Variants in TNPO1 observed in about 807,000 individuals in gnomAD.
TNPO1 encodes transportin 1.
In TNPO1, 8 loss-of-function variants were observed where a neutral mutation model predicts 119.5. The observed-to-expected ratio is 0.07, with a 90% CI of 0.04 to 0.12. The LOEUF is 0.12. Ranked by LOEUF, TNPO1 falls within the 10% of genes least tolerant of loss-of-function variation. TNPO1 has a pLI of 1.00. For missense variants in TNPO1, 576 were observed against 1,089.8 expected (o/e 0.53, Z 6.64); for synonymous variants, 362 against 363.0 (o/e 1.00, Z 0.03).
At chr5:72,890,037 T>A (rs532842723) in intron 14 of TNPO1, 80 bp downstream of exon 14, 2 of 1,504,772 alleles carry the variant, frequency 1.3e-6, no homozygotes, top group Non-Finnish European at 1.8e-6. Context: ...ATTTGGAAAT[T>A]AAGATGTTTT....
At chr5:72,848,984 G>A (rs766274552) in intron 2 of TNPO1, among the ~76,000 whole-genome samples, 49 of 152,162 alleles carry the variant, frequency 3.2e-4, no homozygotes, top group Non-Finnish European at 5.4e-4. Flanking sequence ...AGAAATGGGT[G>A]GAGCTGGCGC....
chr5:72,819,028 T>C (rs1743826589), intron 1 of TNPO1, among the ~76,000 whole-genome samples: 4 of 152,204 alleles, frequency 2.6e-5, no homozygotes, highest in Admixed American at 2.6e-4. Context: ...TTAATCCGTA[T>C]TGTGTTGCTG....
intron 3 of TNPO1, among the ~76,000 whole-genome samples, chr5:72,852,809 A>G (rs549464130): frequency 6.6e-6 from 1 of 152,320 alleles, no homozygotes; most frequent in South Asian, 2.1e-4. Flanking sequence ...ACACAATAGA[A>G]AATTTAGAAC....
intron 15 of TNPO1, 62 bp from the exon 16 acceptor site, chr5:72,893,077 A>G: frequency 7.7e-7 from 1 of 1,300,840 alleles, no homozygotes; most frequent in South Asian, 1.3e-5. Context: ...CGCAGTTTCA[A>G]GCATTCATCA....
chr5:72,899,589 G>GA (rs1197152288), intron 20 of TNPO1, among the ~76,000 whole-genome samples: 18 of 152,014 alleles, frequency 1.2e-4, no homozygotes, highest in Non-Finnish European at 2.1e-4. Context: ...ATTTTCTCAT[G>GA]AAAAAAACTA....
At chr5:72,901,355 C>G (rs918980781) in intron 22 of TNPO1, among the ~76,000 whole-genome samples, 4 of 151,782 alleles carry the variant, frequency 2.6e-5, no homozygotes, top group Admixed American at 6.6e-5. Context: ...AATTTCAGAC[C>G]TCATTTATTT....
chr5:72,857,607 A>G lies in TNPO1; in HGVS notation c.355+1684A>G, dbSNP rs1330104683. 2.0e-5 allele frequency among the ~76,000 whole-genome samples: 3 copies of G among 152,192 alleles called. No homozygotes were observed. The East Asian group carries it at 5.8e-4, about 29-fold the overall frequency. ...TTTTCCATTTCGGATCCAGGAGAGA[A>G]ATCTCCATACGTAAGTGGAATGGAA... On this transcript the variant is annotated intron_variant, in intron 4 of 24. Coordinates refer to ENST00000337273, the MANE Select transcript of TNPO1 (RefSeq NM_002270.4).
At chr5:72,898,951 G>A (rs1579933811) in intron 20 of TNPO1, among the ~76,000 whole-genome samples, 1 of 151,960 alleles carries the variant, frequency 6.6e-6, no homozygotes, top group Admixed American at 6.6e-5. Context: ...GCACTTCATG[G>A]TTTGTTTTCT....
rs868180754 is a variant in TNPO1, at chr5:72,868,452, A to C, written c.596+2723A>C. On this transcript the variant is annotated intron_variant, in intron 6 of 24. Coordinates refer to ENST00000337273, the MANE Select transcript of TNPO1 (RefSeq NM_002270.4). ...GTCTCAAAAAAAAAAAAAAAAAAAA[A>C]AAAAAAACACAAAATAATATATCAG... Among the ~76,000 whole-genome samples, 8 of 147,878 alleles carry C rather than the reference A, an allele frequency of 5.4e-5. No homozygotes were observed. The East Asian group carries it at 8.4e-4, about 15-fold the overall frequency.
Position 72,877,358 on chromosome 5 carries a change from C to G in TNPO1, c.920+12C>G, listed in dbSNP as rs373959058. The G allele has an allele frequency of 1.8e-5, 25 of 1,364,452 alleles. No individual in the cohort carries two copies. The highest frequency in any genetic ancestry group is 1.8e-4 in the Middle Eastern group (1 of 5,496). The allele number at this position is 1,364,452 out of a possible 1,614,324, so 84.5% of individuals were successfully genotyped here. A position where few individuals can be genotyped will look rare whatever the true frequency, so the allele number is the denominator to read the frequency against. ...AGGCATCTTCCTAAGTAAGTGTTCC[C>G]TCTTATAAATGCTGCCTTGTTCTTT... On this transcript the variant is annotated intron_variant, in intron 9 of 24. Coordinates refer to ENST00000337273, the MANE Select transcript of TNPO1 (RefSeq NM_002270.4).
intron 9 of TNPO1, chr5:72,878,930 T>G: frequency 2.0e-6 from 1 of 508,894 alleles, no homozygotes. Flanking sequence ...GCAGGAAGAT[T>G]GCTTTGAAAT....
rs11356390 is a variant in TNPO1 at position 72,906,264 on chromosome 5, CTT to C, written c.*35+828_*35+829del. 4.0e-3 allele frequency among the ~76,000 whole-genome samples: 362 copies of C among 90,288 alleles called. 4 individuals carry two copies. Among genetic ancestry groups the C allele is most frequent in the African/African-American group, 0.016 (336 of 21,414 alleles). 59.2% of individuals were successfully genotyped at this position (90,288 alleles called of 152,430 possible). A position where few individuals can be genotyped will look rare whatever the true frequency, so the allele number is the denominator to read the frequency against. On this transcript the variant is annotated intron_variant, in intron 24 of 24. Coordinates refer to ENST00000337273, the MANE Select transcript of TNPO1 (RefSeq NM_002270.4). ...CTGAGTACCTACCATGTGCCCATCA[CTT>C]TTTTTTTTCTTTTTTTTTTTTTTTT...
Position 72,883,132 on chromosome 5 carries a change from G to A in TNPO1, c.1050G>A (p.Ser350=), listed in dbSNP as rs1561342081. 3.7e-6 allele frequency: 6 copies of A among 1,614,018 alleles called. No individual in the cohort carries two copies. The highest frequency in any genetic ancestry group is 2.2e-5 in the East Asian group (1 of 44,882). ...EQDIRPRFHR[S]RTVAQQHDED... is the part of the protein sequence containing the mutation. ...ATATACGGCCACGTTTTCACCGATC[G>A]AGGACGGTGGCTCAGCAGCATGATG... The change falls in exon 11 of 25, where the codon TCG becomes TCA. Residue 350 remains serine (S), a synonymous_variant. Transcript: ENST00000337273.
rs565807412 is a variant in TNPO1, at chr5:72,902,115, C to G, written c.2514+1042C>G. Among the ~76,000 whole-genome samples, 53 of 151,968 alleles carry G rather than the reference C, an allele frequency of 3.5e-4. No homozygotes were observed. In the South Asian group the frequency reaches 0.011, roughly 30 times the overall value. On this transcript the variant is annotated intron_variant, in intron 22 of 24. Transcript: ENST00000337273. The stretch of plus-strand genomic sequence containing the variant: ...GTAGTTGAGGGAGGGAAGCAAAGAA[C>G]TAAATTTTGGTTTCCAGGAATGCAC...
At position 72,904,642 on chromosome 5, in the gene TNPO1, A is replaced by G. The variant is rs188094855; in HGVS notation, c.2590-661A>G. 6.6e-5 allele frequency among the ~76,000 whole-genome samples: 10 copies of G among 152,228 alleles called. No homozygotes were observed. The East Asian group carries it at 9.7e-4, about 15-fold the overall frequency. ...GAAACGCCATCTCTACTAAAAATAC[A>G]AAAAATTAGCTAGGGGTGGTGGCGG... On this transcript the variant is annotated intron_variant, in intron 23 of 24. Transcript: ENST00000337273.
intron 23 of TNPO1, among the ~76,000 whole-genome samples, chr5:72,904,073 G>A (rs997231584): frequency 6.6e-6 from 1 of 152,150 alleles, no homozygotes; most frequent in African/African-American, 2.4e-5. Flanking sequence ...TTTTCAAGAT[G>A]GAAATGGAGA....
chr5:72,817,072 C>T (rs1226747445), intron 1 of TNPO1: 3 of 391,406 alleles, frequency 7.7e-6, no homozygotes, highest in Non-Finnish European at 1.4e-5. Context: ...GTTTGCCTCG[C>T]CTGTTAAGCT....
chr5:72,845,074 C>CTTTT (rs111512326), intron 1 of TNPO1, among the ~76,000 whole-genome samples: 1,829 of 142,488 alleles, frequency 0.013, 91 homozygotes, highest in Admixed American at 0.092. Context: ...GTTGAAATGC[C>CTTTT]TTTTTTTTTT....
intron 1 of TNPO1, among the ~76,000 whole-genome samples, chr5:72,826,022 C>T (rs1184470668): frequency 6.6e-6 from 1 of 152,122 alleles, no homozygotes; most frequent in Non-Finnish European, 1.5e-5. Context: ...TCCCCTTACT[C>T]ACTGGCCTGC....
Sources: allele counts gnomAD v4.1 joint callset (sites outside exome capture counted in the v4.1 genomes callset), GRCh38; gene constraint gnomAD v4.1.1; transcripts MANE v1.5; gene names NCBI Gene and HGNC (gene_info 2026-07-23, HGNC 2026-07-21).